The following SASH1 variants were observed in gnomAD, a reference collection of about 807,000 sequenced individuals.
SASH1 encodes the protein SAM and SH3 domain containing 1, also known as SAM and SH3 domain-containing protein 1.
In SASH1, 44 loss-of-function variants were observed where a neutral mutation model predicts 125.2. The ratio of observed to expected loss-of-function variants is 0.35; its 90% CI spans 0.28 to 0.45. The LOEUF is 0.45. SASH1 is among the 20% of genes least tolerant of loss of function. SASH1 has a pLI of 1.00. For missense variants in SASH1, 1,426 were observed against 1,614.5 expected (o/e 0.88, Z 2.00); for synonymous variants, 639 against 649.1 (o/e 0.98, Z 0.24).
chr6:148,402,729 C>T (rs766450252), intron 2 of SASH1, among the ~76,000 whole-genome samples: 6 of 152,018 alleles, frequency 3.9e-5, no homozygotes, highest in Non-Finnish European at 8.8e-5. Context: ...ATTCCCCTTC[C>T]TCCTGAGTAG....
intron 4 of SASH1, among the ~76,000 whole-genome samples, chr6:148,463,880 C>T (rs1448303869): frequency 6.6e-6 from 1 of 152,158 alleles, no homozygotes; most frequent in African/African-American, 2.4e-5. Context: ...GTCCCATCAC[C>T]TCAACTTCTC....
chr6:148,534,629 A>ATCTT (rs1220617309), intron 15 of SASH1, 122 bp from the exon 16 acceptor site: 30 of 941,740 alleles, frequency 3.2e-5, no homozygotes, highest in Admixed American at 1.3e-4. Context: ...ATACTTACTA[A>ATCTT]TCTTTTGATT....
At chr6:148,449,513 G>A (rs1182161980) in intron 4 of SASH1, among the ~76,000 whole-genome samples, 1 of 151,596 alleles carries the variant, frequency 6.6e-6, no homozygotes, top group Non-Finnish European at 1.5e-5. Flanking sequence ...TCAGCCTCCC[G>A]AGTAGCTGGG....
chr6:148,457,194 T>G (rs1486329388), intron 4 of SASH1, among the ~76,000 whole-genome samples: 1 of 151,808 alleles, frequency 6.6e-6, no homozygotes, highest in African/African-American at 2.4e-5. Flanking sequence ...CCCCTTTTTT[T>G]TACACCTTAA....
intron 1 of SASH1, among the ~76,000 whole-genome samples, chr6:148,299,292 T>A (rs1168973351): frequency 6.7e-6 from 1 of 150,198 alleles, no homozygotes; most frequent in Non-Finnish European, 1.5e-5. Context: ...TACAAAGATT[T>A]TTTTTGTAAT....
chr6:148,193,582 T>G, the SASH1 span, among the ~76,000 whole-genome samples: 1 of 152,192 alleles, frequency 6.6e-6, no homozygotes, highest in African/African-American at 2.4e-5. Context: ...CCCTTCACTA[T>G]GGAGCATTTT....
chr6:148,350,183 A>G (rs1327354225), intron 1 of SASH1, among the ~76,000 whole-genome samples: 1 of 152,146 alleles, frequency 6.6e-6, no homozygotes, highest in Non-Finnish European at 1.5e-5. Flanking sequence ...GGCCAGGCAC[A>G]GCGCCTCACA....
chr6:148,313,622 A>G (rs139874571), intron 1 of SASH1, among the ~76,000 whole-genome samples: 1 of 152,054 alleles, frequency 6.6e-6, no homozygotes, highest in East Asian at 1.9e-4. Flanking sequence ...TGCCCCCACT[A>G]CCCCTCAACA....
intron 1 of SASH1, among the ~76,000 whole-genome samples, chr6:148,293,941 A>G (rs553555564): frequency 6.6e-6 from 1 of 152,378 alleles, no homozygotes; most frequent in East Asian, 1.9e-4. Flanking sequence ...GGAGCAAGAG[A>G]AATCTGAGAA....
chr6:148,415,940 T>C (rs2114924504), intron 2 of SASH1, among the ~76,000 whole-genome samples: 1 of 152,350 alleles, frequency 6.6e-6, no homozygotes, highest in South Asian at 2.1e-4. Flanking sequence ...CTTTTATTTT[T>C]CCCTAAGCCA....
chr6:148,374,854 G>A (rs533819067), intron 1 of SASH1, among the ~76,000 whole-genome samples: 1 of 152,118 alleles, frequency 6.6e-6, no homozygotes, highest in Admixed American at 6.5e-5. Context: ...TTGCCACCAT[G>A]CATGGCTAAT....
chr6:148,487,829 A>G, intron 8 of SASH1, 114 bp downstream of exon 8: 1 of 670,078 alleles, frequency 1.5e-6, no homozygotes, highest in Admixed American at 2.6e-5. Flanking sequence ...TGGGTCTGCA[A>G]AGAGGTGTCT....
upstream of SASH1, among the ~76,000 whole-genome samples, chr6:148,340,793 A>C (rs181846136): frequency 6.6e-6 from 1 of 152,192 alleles, no homozygotes; most frequent in Admixed American, 6.5e-5. Flanking sequence ...CAATGCCTCA[A>C]TGCTATTAAG....
intron 8 of SASH1, among the ~76,000 whole-genome samples, chr6:148,500,808 T>C (rs542208830): frequency 9.2e-5 from 14 of 152,192 alleles, no homozygotes; most frequent in Non-Finnish European, 1.8e-4. Context: ...GTTTGTTTTT[T>C]CTTCTTGGGG....
chr6:148,435,590 T>C (rs1276965918), intron 2 of SASH1, among the ~76,000 whole-genome samples: 1 of 152,112 alleles, frequency 6.6e-6, no homozygotes, highest in Non-Finnish European at 1.5e-5. Flanking sequence ...AAATTCTTGG[T>C]GGTTGAGCCA....
intron 1 of SASH1, among the ~76,000 whole-genome samples, chr6:148,367,503 C>T (rs1243127704): frequency 6.6e-6 from 1 of 152,232 alleles, no homozygotes; most frequent in African/African-American, 2.4e-5. Flanking sequence ...TGTTTACGTC[C>T]TCGGGCTGAA....
chr6:148,390,595 G>A (rs529405523), intron 2 of SASH1, among the ~76,000 whole-genome samples: 4 of 152,122 alleles, frequency 2.6e-5, no homozygotes, highest in South Asian at 2.1e-4. Flanking sequence ...GACCATCCTC[G>A]CTAACACGGT....
At chr6:148,390,043 T>C in intron 1 of SASH1, 91 bp from the exon 2 acceptor site, 1 of 1,417,796 alleles carries the variant, frequency 7.1e-7, no homozygotes, top group Non-Finnish European at 9.6e-7. Context: ...CAACCTTTAT[T>C]ACTATTAACT....
chr6:148,366,628 G>T (rs1008532867), intron 1 of SASH1, among the ~76,000 whole-genome samples: 48 of 152,150 alleles, frequency 3.2e-4, no homozygotes, highest in African/African-American at 1.2e-3. Flanking sequence ...ATGGAGTATT[G>T]TTCTTGTTGC....
Sources: gnomAD v4.1 joint callset for allele counts (sites outside exome capture counted in the v4.1 genomes callset) on GRCh38, gnomAD v4.1.1 for gene constraint, MANE v1.5 for transcripts, NCBI Gene and HGNC (gene_info 2026-07-23, HGNC 2026-07-21) for gene names.